The following ELAPOR2 variants were observed in gnomAD, a reference collection of about 807,000 sequenced individuals.
ELAPOR2 encodes endosome-lysosome associated apoptosis and autophagy regulator family member 2.
ELAPOR2 carries 89 observed loss-of-function variants against 120.7 expected under a neutral mutation model. The observed-to-expected ratio is 0.74, with a 90% CI of 0.62 to 0.88. ELAPOR2 has a LOEUF of 0.88. ELAPOR2 is among the 40% of genes least tolerant of loss of function. The probability of loss-of-function intolerance (pLI) is 0.00; values close to 1 mark genes in which losing one functional copy is unlikely to be tolerated. For missense variants in ELAPOR2, 1,134 were observed against 1,251.6 expected, an observed-to-expected ratio of 0.91 and a Z score of 1.42; for synonymous variants, 444 against 444.9, an observed-to-expected ratio of 1.00 and a Z score of 0.03.
chr7:86,995,008 G>C (rs371822566), intron 1 of ELAPOR2, among the ~76,000 whole-genome samples: 14 of 152,294 alleles, frequency 9.2e-5, no homozygotes, highest in African/African-American at 3.1e-4. Flanking sequence ...TTCCAACACT[G>C]ACTGATTCAG....
chr7:86,897,702 A>G (rs1788510687), intron 18 of ELAPOR2, 70 bp from the exon 19 acceptor site: 10 of 1,543,576 alleles, frequency 6.5e-6, no homozygotes, highest in Non-Finnish European at 8.9e-6. Context: ...ACTCTAATCA[A>G]CACCAGAATA....
At chr7:87,037,267 T>G (rs1218406542) in intron 1 of ELAPOR2, among the ~76,000 whole-genome samples, 1 of 152,102 alleles carries the variant, frequency 6.6e-6, no homozygotes, top group Non-Finnish European at 1.5e-5. Flanking sequence ...TACATCCACC[T>G]GTCTTCAGGA....
chr7:86,923,967 TAC>T (rs1447286831), intron 10 of ELAPOR2, among the ~76,000 whole-genome samples: 11 of 152,130 alleles, frequency 7.2e-5, no homozygotes, highest in African/African-American at 2.4e-4. Flanking sequence ...CTCCAAATCA[TAC>T]AGTCAAGTTG....
intron 18 of ELAPOR2, among the ~76,000 whole-genome samples, chr7:86,898,923 T>A (rs1409996115): frequency 6.6e-6 from 1 of 152,138 alleles, no homozygotes; most frequent in East Asian, 1.9e-4. Context: ...AAAGACATCA[T>A]CACAAAATTG....
At chr7:86,910,227 A>T (rs544988484) in intron 15 of ELAPOR2, among the ~76,000 whole-genome samples, 1 of 152,248 alleles carries the variant, frequency 6.6e-6, no homozygotes, top group South Asian at 2.1e-4. Flanking sequence ...TAACAAATAC[A>T]GTAATTCAAG....
At chr7:86,976,777 C>T (rs949468963) in intron 1 of ELAPOR2, among the ~76,000 whole-genome samples, 1 of 152,142 alleles carries the variant, frequency 6.6e-6, no homozygotes, top group African/African-American at 2.4e-5. Flanking sequence ...TCAAAAATCA[C>T]TTGGATATAC....
intron 1 of ELAPOR2, among the ~76,000 whole-genome samples, chr7:87,039,681 A>C (rs998359864): frequency 6.6e-6 from 1 of 152,238 alleles, no homozygotes; most frequent in African/African-American, 2.4e-5. Context: ...ATTGATGCTG[A>C]AAAAGCATTT....
intron 1 of ELAPOR2, among the ~76,000 whole-genome samples, chr7:87,042,424 G>A (rs1794815857): frequency 6.6e-6 from 1 of 151,206 alleles, no homozygotes; most frequent in South Asian, 2.1e-4. Context: ...TCAGACCACA[G>A]TGCAATCAAA....
At chr7:86,885,345 C>A (rs1799637089) in intron 21 of ELAPOR2, among the ~76,000 whole-genome samples, 1 of 152,114 alleles carries the variant, frequency 6.6e-6, no homozygotes, top group Non-Finnish European at 1.5e-5. Flanking sequence ...GTAAACAGAA[C>A]CTTGCTGTTC....
chr7:87,012,853 C>A (rs1278211550), intron 1 of ELAPOR2, among the ~76,000 whole-genome samples: 1 of 152,128 alleles, frequency 6.6e-6, no homozygotes, highest in Admixed American at 6.5e-5. Flanking sequence ...ACACAGCCTG[C>A]CACTGCTGTG....
At chr7:86,973,861 GC>G (rs1792185837) in intron 1 of ELAPOR2, among the ~76,000 whole-genome samples, 1 of 152,072 alleles carries the variant, frequency 6.6e-6, no homozygotes, top group Admixed American at 6.6e-5. Context: ...CAAGGCAGGG[GC>G]CCCTCTTGCC....
chr7:87,052,723 G>A (rs1795145878), intron 1 of ELAPOR2, among the ~76,000 whole-genome samples: 1 of 152,192 alleles, frequency 6.6e-6, no homozygotes, highest in African/African-American at 2.4e-5. Flanking sequence ...AACTCGAGTT[G>A]TAAACTGAGT....
intron 1 of ELAPOR2, among the ~76,000 whole-genome samples, chr7:87,019,617 T>C (rs1225096874): frequency 6.6e-6 from 1 of 152,182 alleles, no homozygotes; most frequent in Admixed American, 6.5e-5. Context: ...ACTATTTTTG[T>C]TAAAGTAACA....
At chr7:87,042,517 A>G (rs1219784956) in intron 1 of ELAPOR2, among the ~76,000 whole-genome samples, 4 of 151,918 alleles carry the variant, frequency 2.6e-5, no homozygotes, top group African/African-American at 9.7e-5. Flanking sequence ...ACTACTGGGT[A>G]CATAACGAAA....
In ELAPOR2 at chr7:87,059,369, C is replaced by T. The variant is rs1795361233; in HGVS notation, c.145G>A (p.Asp49Asn). The change falls in exon 1 of 22, where the codon GAC becomes AAC. Residue 49 changes from aspartate to asparagine, a missense_variant. Physicochemically the swap from Asp to Asn is conservative, Grantham distance 23. Transcript: ENST00000450689. ...LAGCQAAWAG[D>N]LPSSSSRPLP... Reference sequence around the variant, plus strand: ...GGGCGGCTGGAGGAGGAGGGCAGGTCCCCAGCCCAGGCCGCCTGGCAGCCG... The same window carrying T: ...GGGCGGCTGGAGGAGGAGGGCAGGTTCCCAGCCCAGGCCGCCTGGCAGCCG... 2.4e-6 allele frequency: 3 copies of T among 1,246,490 alleles called. No individual in the cohort carries two copies. The highest frequency in any genetic ancestry group is 6.3e-5 in the East Asian group (2 of 31,710). 77.2% of individuals were successfully genotyped at this position (1,246,490 alleles called of 1,614,324 possible).
intron 18 of ELAPOR2, among the ~76,000 whole-genome samples, chr7:86,904,931 A>G (rs1788900255): frequency 6.6e-6 from 1 of 152,012 alleles, no homozygotes; most frequent in Non-Finnish European, 1.5e-5. Context: ...TCCTTCTGAG[A>G]CTTTTTGGTC....
intron 21 of ELAPOR2, among the ~76,000 whole-genome samples, chr7:86,882,608 G>T (rs1441334855): frequency 6.6e-6 from 1 of 151,964 alleles, no homozygotes; most frequent in Admixed American, 6.6e-5. Context: ...TAACTGACTG[G>T]GACTTCCTAA....
At chr7:87,027,113 G>A in intron 1 of ELAPOR2, among the ~76,000 whole-genome samples, 1 of 152,080 alleles carries the variant, frequency 6.6e-6, no homozygotes, top group East Asian at 1.9e-4. Context: ...ATCTTAATAA[G>A]ACCAGGGAGA....
chr7:86,890,090 T>C (rs185276832), intron 21 of ELAPOR2, among the ~76,000 whole-genome samples: 1 of 151,968 alleles, frequency 6.6e-6, no homozygotes, highest in East Asian at 1.9e-4. Context: ...GAATGGTGCA[T>C]GGAGTGGGGA....
Sources: allele counts gnomAD v4.1 joint callset (sites outside exome capture counted in the v4.1 genomes callset), GRCh38; gene constraint gnomAD v4.1.1; transcripts MANE v1.5; gene names NCBI Gene and HGNC (gene_info 2026-07-23, HGNC 2026-07-21).